The following SERPINE2 variants were observed in gnomAD, a reference collection of about 807,000 sequenced individuals.
SERPINE2 encodes serpin family E member 2, also known as glia-derived nexin.
SERPINE2 carries 14 observed loss-of-function variants against 36.3 expected under a neutral mutation model. That is an observed-to-expected ratio of 0.39 (90% CI 0.25 to 0.60). SERPINE2 has a LOEUF of 0.60. Ranked by LOEUF, SERPINE2 falls within the 20% of genes least tolerant of loss-of-function variation. The probability of loss-of-function intolerance (pLI) is 0.57; values close to 1 mark genes in which losing one functional copy is unlikely to be tolerated. For missense variants in SERPINE2, 418 were observed against 499.6 expected, an observed-to-expected ratio of 0.84 and a Z score of 1.56; for synonymous variants, 192 against 191.8, an observed-to-expected ratio of 1.00 and a Z score of -0.01.
At chr2:224,031,079 G>C in intron 1 of SERPINE2, 1 of 985,076 alleles carries the variant, frequency 1.0e-6, no homozygotes, top group South Asian at 4.7e-5. Context: ...AGTGTGCTTT[G>C]ACACAAATTT....
intron 1 of SERPINE2, among the ~76,000 whole-genome samples, chr2:224,020,420 C>T (rs1179085806): frequency 6.6e-6 from 1 of 152,166 alleles, no homozygotes; most frequent in African/African-American, 2.4e-5. Flanking sequence ...CGTTTCAGGT[C>T]CTTCTGGAAA....
intron 1 of SERPINE2, among the ~76,000 whole-genome samples, chr2:224,014,379 A>C (rs1424551755): frequency 1.3e-5 from 2 of 152,208 alleles, no homozygotes; most frequent in Admixed American, 6.5e-5. Flanking sequence ...GTCTCAAAAA[A>C]AAAGAAAAAG....
intron 1 of SERPINE2, among the ~76,000 whole-genome samples, chr2:224,017,750 T>A (rs1473785424): frequency 1.3e-5 from 2 of 152,158 alleles, no homozygotes; most frequent in Non-Finnish European, 2.9e-5. Flanking sequence ...TTTTAAAAAG[T>A]ACTATGTCTC....
At chr2:224,006,934 C>T (rs1364275319) in intron 1 of SERPINE2, among the ~76,000 whole-genome samples, 1 of 152,190 alleles carries the variant, frequency 6.6e-6, no homozygotes, top group East Asian at 1.9e-4. Context: ...CCTGCTGCCT[C>T]ACACCCTGCC....
At chr2:223,991,521 TTTAAG>T (rs1249403229) in intron 4 of SERPINE2, among the ~76,000 whole-genome samples, 1 of 152,224 alleles carries the variant, frequency 6.6e-6, no homozygotes, top group Non-Finnish European at 1.5e-5. Flanking sequence ...TCCTTTCATC[TTTAAG>T]TTTTCAACCA....
intron 3 of SERPINE2, among the ~76,000 whole-genome samples, chr2:223,994,598 C>T (rs1395030834): frequency 6.6e-6 from 1 of 152,128 alleles, no homozygotes; most frequent in African/African-American, 2.4e-5. Context: ...GAGGTGCAGG[C>T]TGACATAAAA....
At chr2:224,034,171 T>C (rs968688974) in intron 1 of SERPINE2, among the ~76,000 whole-genome samples, 3 of 152,202 alleles carry the variant, frequency 2.0e-5, no homozygotes, top group Admixed American at 1.3e-4. Flanking sequence ...TAGAGTCTAC[T>C]GGATAGGGCA....
intron 4 of SERPINE2, among the ~76,000 whole-genome samples, chr2:223,987,709 G>A (rs1574815507): frequency 6.6e-6 from 1 of 152,324 alleles, no homozygotes; most frequent in East Asian, 1.9e-4. Flanking sequence ...AGGAGATTTA[G>A]AACTTTCTCT....
At chr2:224,032,624 G>T (rs769966848) in intron 1 of SERPINE2, among the ~76,000 whole-genome samples, 2 of 152,112 alleles carry the variant, frequency 1.3e-5, no homozygotes, top group African/African-American at 2.4e-5. Context: ...ATTCTTCAAA[G>T]AATTAAATAA....
chr2:224,031,442 C>T lies in SERPINE2; in HGVS notation c.-23+7657G>A, dbSNP rs537587532. On this transcript the variant is annotated intron_variant, in intron 1 of 8. Coordinates refer to ENST00000409304, the MANE Select transcript of SERPINE2 (RefSeq NM_001136528.2). The stretch of plus-strand genomic sequence containing the variant: ...GGCAGCTGGGGAACGCCAGGCAGCA[C>T]GGTCCTCTCCACTCCCTTTCCTCCT... 7 of 985,624 alleles carry T rather than the reference C, an allele frequency of 7.1e-6. No individual in the cohort carries two copies. In the South Asian group the frequency reaches 1.4e-4, roughly 20 times the overall value. The allele number at this position is 985,624 out of a possible 1,614,324, so 61.1% of individuals were successfully genotyped here. A position where few individuals can be genotyped will look rare whatever the true frequency, so the allele number is the denominator to read the frequency against.
intron 1 of SERPINE2, among the ~76,000 whole-genome samples, chr2:224,013,655 G>A (rs1282322338): frequency 6.6e-6 from 1 of 152,200 alleles, no homozygotes; most frequent in Non-Finnish European, 1.5e-5. Context: ...GAACCTGAAT[G>A]ATAGAGCTGG....
chr2:224,035,560 G>A (rs1057023779), intron 1 of SERPINE2, among the ~76,000 whole-genome samples: 3 of 151,974 alleles, frequency 2.0e-5, no homozygotes, highest in African/African-American at 4.8e-5. Flanking sequence ...GTAGAGACGC[G>A]GTTTTACCAT....
chr2:223,983,873 G>A (rs1690325226), intron 5 of SERPINE2, among the ~76,000 whole-genome samples: 1 of 150,972 alleles, frequency 6.6e-6, no homozygotes, highest in African/African-American at 2.4e-5. Flanking sequence ...GGCTATAATG[G>A]TAAAGAACCT....
chr2:224,038,571 G>A (rs1692605085), intron 1 of SERPINE2: 3 of 1,449,690 alleles, frequency 2.1e-6, no homozygotes, highest in Non-Finnish European at 2.8e-6. Context: ...GGTTAAATCG[G>A]CTGCCAGAGG....
At chr2:223,999,042 C>T (rs143026134) in intron 2 of SERPINE2, among the ~76,000 whole-genome samples, 2 of 152,070 alleles carry the variant, frequency 1.3e-5, no homozygotes, top group East Asian at 1.9e-4. Flanking sequence ...TCTTGTCTAA[C>T]GTTATTAAGT....
At chr2:223,982,113 G>A (rs1395744694) in intron 6 of SERPINE2, 4 of 149,806 alleles carry the variant, frequency 2.7e-5, no homozygotes, top group Non-Finnish European at 4.4e-5. Context: ...AATGAGGTAT[G>A]TACACATCAT....
At chr2:224,016,576 T>C (rs538389743) in intron 1 of SERPINE2, among the ~76,000 whole-genome samples, 1 of 152,248 alleles carries the variant, frequency 6.6e-6, no homozygotes, top group Non-Finnish European at 1.5e-5. Context: ...AGTTTGGCCG[T>C]TTCTTACAAA....
chr2:224,005,945 CTA>C (rs1227074297), intron 1 of SERPINE2, among the ~76,000 whole-genome samples: 1 of 152,186 alleles, frequency 6.6e-6, no homozygotes, highest in Non-Finnish European at 1.5e-5. Context: ...CTATGTTCTT[CTA>C]GTTTCTCTTA....
chr2:223,999,457 G>A (rs1438086939), intron 2 of SERPINE2, among the ~76,000 whole-genome samples: 2 of 152,070 alleles, frequency 1.3e-5, no homozygotes, highest in African/African-American at 2.4e-5. Flanking sequence ...CTGAATGTGC[G>A]TCCTCTTCAG....
Sources: allele counts gnomAD v4.1 joint callset (sites outside exome capture counted in the v4.1 genomes callset), GRCh38; gene constraint gnomAD v4.1.1; transcripts MANE v1.5; gene names NCBI Gene and HGNC (gene_info 2026-07-23, HGNC 2026-07-21).